The following TRHDE variants were observed in gnomAD, a reference collection of about 807,000 sequenced individuals.
TRHDE encodes the protein thyrotropin releasing hormone degrading enzyme.
Under a neutral mutation model 125.7 loss-of-function variants are expected in TRHDE, and 72 were observed. The ratio of observed to expected loss-of-function variants is 0.57; its 90% confidence interval spans 0.47 to 0.70. The LOEUF is 0.70. Ranked by LOEUF, TRHDE falls within the 30% of genes least tolerant of loss-of-function variation. The probability of loss-of-function intolerance (pLI) is 0.00; values close to 1 mark genes in which losing one functional copy is unlikely to be tolerated. For synonymous variants in TRHDE, 509 were observed against 509.1 expected, an observed-to-expected ratio of 1.00 and a Z score of 0.00; for missense variants, 1,110 against 1,327.1, an observed-to-expected ratio of 0.84 and a Z score of 2.54.
intron 6 of TRHDE, among the ~76,000 whole-genome samples, chr12:72,539,348 G>A (rs777080363): frequency 4.6e-5 from 7 of 151,888 alleles, no homozygotes; most frequent in Non-Finnish European, 8.8e-5. Flanking sequence ...AATTAGTTGA[G>A]AAGATCTCCC....
intron 3 of TRHDE, among the ~76,000 whole-genome samples, chr12:72,401,423 T>C (rs1421068719): frequency 6.6e-6 from 1 of 152,166 alleles, no homozygotes; most frequent in East Asian, 1.9e-4. Context: ...AGAATCACAT[T>C]TGAAGCAAGT....
intron 6 of TRHDE, among the ~76,000 whole-genome samples, chr12:72,529,555 A>G (rs1467112373): frequency 6.6e-6 from 1 of 152,174 alleles, no homozygotes; most frequent in Non-Finnish European, 1.5e-5. Context: ...TTATAAATCC[A>G]TCCCCCTATT....
chr12:72,643,797 C>T (rs980353532), intron 15 of TRHDE, among the ~76,000 whole-genome samples: 1 of 152,138 alleles, frequency 6.6e-6, no homozygotes, highest in Non-Finnish European at 1.5e-5. Context: ...AGAATGAATA[C>T]TTATTGTCAG....
intron 3 of TRHDE, among the ~76,000 whole-genome samples, chr12:72,464,274 A>G (rs750174657): frequency 2.0e-5 from 3 of 152,222 alleles, no homozygotes; most frequent in Non-Finnish European, 2.9e-5. Context: ...GTCTTAGTCC[A>G]TTTATGCTGC....
chr12:72,621,854 A>G, intron 15 of TRHDE, 103 bp downstream of exon 15: 10 of 877,424 alleles, frequency 1.1e-5, no homozygotes, highest in Non-Finnish European at 1.6e-5. Context: ...AAGATAAGGA[A>G]AAACAAAAGC....
Position 72,312,224 on chromosome 12 carries a change from C to CAATA in TRHDE, c.1188+25270_1188+25271insAATA, listed in dbSNP as rs568349599. Among the ~76,000 whole-genome samples, 34 of 152,290 alleles carry CAATA rather than the reference C, an allele frequency of 2.2e-4. No homozygotes were observed. The South Asian group carries it at 6.2e-3, about 28-fold the overall frequency. On this transcript the variant is annotated intron_variant, in intron 2 of 18. Coordinates refer to ENST00000261180, the MANE Select transcript of TRHDE (RefSeq NM_013381.3). ...ACCTTGCTGATTTCCTGTATTGCTG[C>CAATA]CCATTATGCAGCATGATGACTTTTC...
At chr12:72,444,707 A>G (rs1875188281) in intron 3 of TRHDE, among the ~76,000 whole-genome samples, 2 of 151,886 alleles carry the variant, frequency 1.3e-5, no homozygotes, top group African/African-American at 2.4e-5. Flanking sequence ...TATGAACACC[A>G]TTTATCACAG....
chr12:72,527,092 T>C (rs1174869066), intron 6 of TRHDE, among the ~76,000 whole-genome samples: 2 of 152,192 alleles, frequency 1.3e-5, no homozygotes, highest in Non-Finnish European at 2.9e-5. Flanking sequence ...TATTTTTTCC[T>C]ATCATTTCTT....
chr12:72,469,941 T>A (rs1333882372), intron 4 of TRHDE, 29 bp downstream of exon 4: 3 of 1,603,996 alleles, frequency 1.9e-6, no homozygotes, highest in Non-Finnish European at 2.6e-6. Flanking sequence ...GGTGTAAGTA[T>A]AATGTGAAAG....
At chr12:72,110,815 G>A (rs1875298727) in intron 2 of TRHDE, among the ~76,000 whole-genome samples, 1 of 152,078 alleles carries the variant, frequency 6.6e-6, no homozygotes, top group African/African-American at 2.4e-5. Flanking sequence ...AGCAGAAACT[G>A]TTGTTTTGTA....
chr12:72,554,362 A>G (rs1869823044), intron 7 of TRHDE, among the ~76,000 whole-genome samples: 1 of 152,184 alleles, frequency 6.6e-6, no homozygotes, highest in East Asian at 1.9e-4. Flanking sequence ...GGTAAGCACT[A>G]CATTATGTAC....
intron 3 of TRHDE, among the ~76,000 whole-genome samples, chr12:72,386,217 A>G (rs917780297): frequency 2.0e-5 from 3 of 152,202 alleles, no homozygotes; most frequent in African/African-American, 7.2e-5. Context: ...ATTGTAACCT[A>G]ATCAGGGTGT....
intron 3 of TRHDE, among the ~76,000 whole-genome samples, chr12:72,433,452 G>T (rs952371447): frequency 6.6e-6 from 1 of 152,072 alleles, no homozygotes; most frequent in Non-Finnish European, 1.5e-5. Flanking sequence ...TATGGGTGGG[G>T]TGCTGGACAG....
intron 12 of TRHDE, among the ~76,000 whole-genome samples, chr12:72,579,905 T>A (rs1270203879): frequency 1.3e-5 from 2 of 152,194 alleles, no homozygotes; most frequent in African/African-American, 2.4e-5. Context: ...TTTAGAGATT[T>A]TTTTTATTTT....
intron 2 of TRHDE, among the ~76,000 whole-genome samples, chr12:72,295,849 A>C (rs2135679894): frequency 6.6e-6 from 1 of 152,276 alleles, no homozygotes; most frequent in South Asian, 2.1e-4. Flanking sequence ...CATTCCAATA[A>C]GATTGCGTTA....
intron 3 of TRHDE, among the ~76,000 whole-genome samples, chr12:72,442,752 C>A (rs1306052842): frequency 6.6e-6 from 1 of 151,792 alleles, no homozygotes; most frequent in Non-Finnish European, 1.5e-5. Context: ...TTTGTGCTCC[C>A]ATGTAAGGAG....
intron 2 of TRHDE, among the ~76,000 whole-genome samples, chr12:72,315,318 A>G (rs1868745137): frequency 6.6e-6 from 1 of 152,212 alleles, no homozygotes; most frequent in South Asian, 2.1e-4. Flanking sequence ...TTTGTAAGAA[A>G]AAAACCAAAC....
intron 2 of TRHDE, among the ~76,000 whole-genome samples, chr12:72,351,005 C>CA (rs1484210678): frequency 6.6e-6 from 1 of 151,924 alleles, no homozygotes; most frequent in Non-Finnish European, 1.5e-5. Flanking sequence ...AAAATTGTAG[C>CA]AAAAATCTTT....
chr12:72,138,256 T>C (rs1291292488), intron 2 of TRHDE, among the ~76,000 whole-genome samples: 1 of 151,862 alleles, frequency 6.6e-6, no homozygotes, highest in Non-Finnish European at 1.5e-5. Flanking sequence ...GCACCTGTAG[T>C]GCCAGCTACT....
Sources: gnomAD v4.1 joint callset for allele counts (sites outside exome capture counted in the v4.1 genomes callset) on GRCh38, gnomAD v4.1.1 for gene constraint, MANE v1.5 for transcripts, NCBI Gene and HGNC (gene_info 2026-07-23, HGNC 2026-07-21) for gene names.